TAX1BP1: variants seen among roughly 807,000 people sequenced by gnomAD.
TAX1BP1 encodes tax1-binding protein 1.
A neutral mutation model predicts 97.7 loss-of-function variants in TAX1BP1; 62 were observed. The ratio of observed to expected loss-of-function variants is 0.63; its 90% CI spans 0.52 to 0.78. The LOEUF is 0.78. Ranked by LOEUF, TAX1BP1 falls within the 30% of genes least tolerant of loss-of-function variation. The pLI is 0.00. For missense variants in TAX1BP1, 867 were observed against 916.1 expected (o/e 0.95, Z 0.69); for synonymous variants, 340 against 304.2 (o/e 1.12, Z -1.23).
intron 13 of TAX1BP1, among the ~76,000 whole-genome samples, chr7:27,805,255 A>G (rs1487843631): frequency 6.6e-6 from 1 of 152,218 alleles, no homozygotes; most frequent in African/African-American, 2.4e-5. Context: ...CATCTCTATT[A>G]TGAGCAAGGT....
chr7:27,825,043 T>G (rs1441890877), intron 15 of TAX1BP1, among the ~76,000 whole-genome samples: 1 of 152,176 alleles, frequency 6.6e-6, no homozygotes, highest in African/African-American at 2.4e-5. Context: ...TAAAACAGAA[T>G]GCATGATTCT....
intron 5 of TAX1BP1, among the ~76,000 whole-genome samples, chr7:27,774,424 G>A (rs1373783356): frequency 6.6e-6 from 1 of 152,032 alleles, no homozygotes; most frequent in Non-Finnish European, 1.5e-5. Context: ...CCCAAGCTAG[G>A]TGTTTTTGTT....
chr7:27,790,831 A>C (rs1042754748), intron 8 of TAX1BP1, among the ~76,000 whole-genome samples: 3 of 152,100 alleles, frequency 2.0e-5, no homozygotes, highest in Non-Finnish European at 4.4e-5. Context: ...AGTTGCCCTA[A>C]ACCCATGCAA....
chr7:27,793,062 C>G lies in TAX1BP1; in HGVS notation c.1264-4C>G. 2 of 1,577,648 alleles carry G rather than the reference C, an allele frequency of 1.3e-6. No individual in the cohort carries two copies. ...TTTTTCTTCAAATGTTTGTTTCTTT[C>G]TAGGACAAGACTGATACACTGGAAC... On this transcript the variant is annotated splice_polypyrimidine_tract_variant and splice_region_variant and intron_variant, in intron 9 of 16. Coordinates refer to ENST00000396319, the MANE Select transcript of TAX1BP1 (RefSeq NM_006024.7).
chr7:27,804,757 G>C (rs941746610), intron 13 of TAX1BP1, among the ~76,000 whole-genome samples: 14 of 152,292 alleles, frequency 9.2e-5, no homozygotes, highest in Non-Finnish European at 1.9e-4. Context: ...GAACATTTCA[G>C]ATTTTGGATT....
chr7:27,785,629 T>C (rs1411653780), intron 7 of TAX1BP1, 140 bp downstream of exon 7: 1 of 691,412 alleles, frequency 1.4e-6, no homozygotes, highest in African/African-American at 1.8e-5. Context: ...GCAGTCAGGA[T>C]GTTGGCAAGG....
intron 13 of TAX1BP1, among the ~76,000 whole-genome samples, chr7:27,809,930 G>A (rs764207520): frequency 3.9e-4 from 59 of 151,530 alleles, no homozygotes; most frequent in Middle Eastern, 6.8e-3. Flanking sequence ...TTGGGAGACG[G>A]AGAATCTTGC....
intron 4 of TAX1BP1, among the ~76,000 whole-genome samples, chr7:27,768,086 A>G (rs1044798122): frequency 6.6e-6 from 1 of 151,938 alleles, no homozygotes. Context: ...ACTATGGCCT[A>G]TTGGAGGATA....
chr7:27,787,663 A>T (rs534397233), intron 8 of TAX1BP1, 60 bp downstream of exon 8: 92 of 1,386,600 alleles, frequency 6.6e-5, no homozygotes, highest in Non-Finnish European at 7.8e-5. Context: ...AATGTATGCA[A>T]TATGATTTTC....
intron 4 of TAX1BP1, among the ~76,000 whole-genome samples, chr7:27,768,392 T>C (rs941355021): frequency 3.9e-5 from 6 of 152,044 alleles, no homozygotes; most frequent in Non-Finnish European, 8.8e-5. Context: ...ATGAGACATA[T>C]ACATTCTTAT....
intron 3 of TAX1BP1, among the ~76,000 whole-genome samples, chr7:27,764,268 T>C (rs1788536465): frequency 6.6e-6 from 1 of 152,258 alleles, no homozygotes; most frequent in African/African-American, 2.4e-5. Flanking sequence ...TTAATTGTCA[T>C]GTTGTCTTAG....
At chr7:27,766,056 A>G (rs759516728) in intron 4 of TAX1BP1, 35 bp downstream of exon 4, 6 of 1,586,512 alleles carry the variant, frequency 3.8e-6, no homozygotes, top group Middle Eastern at 1.7e-4. Context: ...ATTCATTGAT[A>G]ATTTTAAGAA....
intron 5 of TAX1BP1, among the ~76,000 whole-genome samples, chr7:27,784,248 TA>T (rs1211490592): frequency 6.6e-6 from 1 of 152,160 alleles, no homozygotes; most frequent in Non-Finnish European, 1.5e-5. Context: ...TGTTCTTTAA[TA>T]AAAATAATTT....
At chr7:27,746,599 G>C (rs1004104351) in intron 1 of TAX1BP1, among the ~76,000 whole-genome samples, 9 of 152,066 alleles carry the variant, frequency 5.9e-5, no homozygotes, top group Non-Finnish European at 5.9e-5. Context: ...TCATTTTTCT[G>C]ATGGCTTTAG....
rs555275867 is a variant in TAX1BP1 at position 27,750,617 on chromosome 7, T to C, written c.162+1931T>C. ...GGACGACCTTCAGTGTTAGAGAGTTTATGGACTTTTTTCTGAAGGACAGTG... is the reference window on the plus strand; with the variant it reads ...GGACGACCTTCAGTGTTAGAGAGTTCATGGACTTTTTTCTGAAGGACAGTG... On this transcript the variant is annotated intron_variant, in intron 2 of 16. Transcript: ENST00000396319. Among the ~76,000 whole-genome samples the C allele has an allele frequency of 7.5e-4, 114 of 152,328 alleles. 1 individual carries two copies. The highest frequency in any genetic ancestry group is 2.5e-3 in the African/African-American group (106 of 41,578).
chr7:27,780,711 G>T (rs901812559), intron 5 of TAX1BP1, among the ~76,000 whole-genome samples: 4 of 152,056 alleles, frequency 2.6e-5, no homozygotes, highest in African/African-American at 9.7e-5. Flanking sequence ...AATACATGGG[G>T]TGATGATTAT....
chr7:27,823,616 G>A (rs1181291956), intron 15 of TAX1BP1, among the ~76,000 whole-genome samples: 1 of 152,052 alleles, frequency 6.6e-6, no homozygotes, highest in African/African-American at 2.4e-5. Flanking sequence ...CATGATAGAT[G>A]GCATTTTTTT....
At chr7:27,815,310 T>C (rs1036786302) in intron 13 of TAX1BP1, among the ~76,000 whole-genome samples, 4 of 152,096 alleles carry the variant, frequency 2.6e-5, no homozygotes, top group Non-Finnish European at 5.9e-5. Context: ...TCCTTTTTAT[T>C]CTTTAGTTTC....
At position 27,829,497 on chromosome 7, in the gene TAX1BP1, G is replaced by A. The variant is rs569587280; in HGVS notation, c.*668G>A. 6.6e-6 allele frequency: 1 copy of A among 152,210 alleles called. No individual in the cohort carries two copies. Among genetic ancestry groups the A allele is most frequent in the African/African-American group, 2.4e-5 (1 of 41,556 alleles). 9.4% of individuals were successfully genotyped at this position (152,210 alleles called of 1,614,324 possible). Reference sequence around the variant, plus strand: ...TTGAAGTTGTATGTATATATCTAATGGGAAAATGGAACAAGAGATGTCAGT... The same window carrying A: ...TTGAAGTTGTATGTATATATCTAATAGGAAAATGGAACAAGAGATGTCAGT... On this transcript the variant is annotated 3_prime_UTR_variant, in exon 17 of 17. Coordinates refer to ENST00000396319, the MANE Select transcript of TAX1BP1 (RefSeq NM_006024.7).
Sources: allele counts gnomAD v4.1 joint callset (sites outside exome capture counted in the v4.1 genomes callset), GRCh38; gene constraint gnomAD v4.1.1; transcripts MANE v1.5; gene names NCBI Gene and HGNC (gene_info 2026-07-23, HGNC 2026-07-21).